The following TEX9 variants were observed in gnomAD, a reference collection of about 807,000 sequenced individuals.
The protein encoded by TEX9 is testis expressed 9.
TEX9 carries 74 observed loss-of-function variants against 59.6 expected under a neutral mutation model. That is an observed-to-expected ratio of 1.24 (90% CI 1.03 to 1.51). TEX9 has a LOEUF of 1.51. Ranked by LOEUF, TEX9 falls within the 40% of genes most tolerant of loss-of-function variation. TEX9 has a pLI of 0.00. For missense variants in TEX9, 522 were observed against 447.8 expected (o/e 1.17, Z -1.49); for synonymous variants, 186 against 152.2 (o/e 1.22, Z -1.64).
At chr15:56,320,117 A>T (rs1180211246) in intron 1 of TEX9, among the ~76,000 whole-genome samples, 4 of 152,168 alleles carry the variant, frequency 2.6e-5, no homozygotes, top group African/African-American at 9.7e-5. Context: ...TTTTATTGCA[A>T]CATCTTTTAA....
chr15:56,383,780 A>G (rs908387743), intron 3 of TEX9, among the ~76,000 whole-genome samples, 172 bp from the exon 4 acceptor site: 2 of 152,166 alleles, frequency 1.3e-5, no homozygotes, highest in Non-Finnish European at 2.9e-5. Context: ...GAAAGGTGCA[A>G]CTAGTGTTAT....
intron 1 of TEX9, among the ~76,000 whole-genome samples, chr15:56,335,185 C>T (rs2046235561): frequency 6.6e-6 from 1 of 152,034 alleles, no homozygotes; most frequent in African/African-American, 2.4e-5. Context: ...GTATGTTGAA[C>T]AGGTATCTAC....
intron 1 of TEX9, among the ~76,000 whole-genome samples, chr15:56,288,521 G>T (rs1481243998): frequency 1.3e-5 from 2 of 152,008 alleles, no homozygotes; most frequent in Non-Finnish European, 2.9e-5. Flanking sequence ...AGGATTTTTG[G>T]TTGGGAGTTT....
chr15:56,308,903 A>G (rs1246884459), intron 1 of TEX9, among the ~76,000 whole-genome samples: 1 of 152,094 alleles, frequency 6.6e-6, no homozygotes, highest in Non-Finnish European at 1.5e-5. Context: ...TTTACCATTG[A>G]TCTGTATATT....
chr15:56,280,399 A>T (rs922172540), intron 1 of TEX9, among the ~76,000 whole-genome samples: 6 of 152,166 alleles, frequency 3.9e-5, no homozygotes, highest in African/African-American at 1.4e-4. Context: ...AAATATGTAC[A>T]TTATGCAAGA....
rs746592659 is a variant in TEX9, at chr15:56,389,349, AG to A, written c.346del (p.Val116PhefsTer20). 14 of 1,611,290 alleles carry A rather than the reference AG, an allele frequency of 8.7e-6. No homozygotes were observed. Among genetic ancestry groups the A allele is most frequent in the Non-Finnish European group, 1.2e-5 (14 of 1,178,322 alleles). The stretch of plus-strand genomic sequence containing the variant: ...ACCAAAAACATTGATCCTGTAAACA[AG>A]GTTCAAAACAAATTACACTCTGCAA... On this transcript the variant is annotated frameshift_variant, in exon 6 of 13. Coordinates refer to ENST00000352903, the Ensembl canonical transcript of TEX9. LOFTEE classifies it high-confidence loss of function.
intron 9 of TEX9, among the ~76,000 whole-genome samples, chr15:56,404,373 A>C (rs1370203128): frequency 6.6e-6 from 1 of 152,240 alleles, no homozygotes; most frequent in Non-Finnish European, 1.5e-5. Context: ...GCCAAAAGAC[A>C]CATGAGAAAA....
chr15:56,438,547 G>T (rs2050767020), intron 12 of TEX9, among the ~76,000 whole-genome samples: 1 of 152,064 alleles, frequency 6.6e-6, no homozygotes, highest in Non-Finnish European at 1.5e-5. Flanking sequence ...AACCCTAGAA[G>T]AAAACCTAGG....
chr15:56,365,327 C>T (rs938647634), upstream of TEX9: 15 of 1,325,858 alleles, frequency 1.1e-5, no homozygotes, highest in African/African-American at 1.5e-5. Context: ...GAGGCTCGCG[C>T]CGCTCGCAGC....
chr15:56,324,795 A>G (rs757069323), intron 1 of TEX9, among the ~76,000 whole-genome samples: 2 of 152,192 alleles, frequency 1.3e-5, no homozygotes, highest in Admixed American at 1.3e-4. Context: ...CTTTCATGCA[A>G]GTTACTTGCT....
At chr15:56,367,620 A>G (rs188319574) in intron 2 of TEX9, among the ~76,000 whole-genome samples, 8 of 152,310 alleles carry the variant, frequency 5.3e-5, no homozygotes, top group East Asian at 1.9e-4. Context: ...ATAAATCGCA[A>G]TTACATTGGA....
chr15:56,321,066 G>T (rs1287272966), intron 1 of TEX9, among the ~76,000 whole-genome samples: 1 of 152,178 alleles, frequency 6.6e-6, no homozygotes, highest in Non-Finnish European at 1.5e-5. Context: ...GAGCTAACCT[G>T]TGAGCTTTCT....
intron 12 of TEX9, chr15:56,431,638 T>C (rs1251282251): frequency 1.0e-5 from 6 of 596,638 alleles, no homozygotes; most frequent in East Asian, 3.8e-5. Flanking sequence ...CTAGATAATA[T>C]ATATTTTTAA....
intron 1 of TEX9, among the ~76,000 whole-genome samples, chr15:56,324,075 G>A (rs114908047): frequency 6.6e-6 from 1 of 151,936 alleles, no homozygotes; most frequent in African/African-American, 2.4e-5. Flanking sequence ...GGTTCTTATT[G>A]GTGCACAGCA....
chr15:56,339,990 T>C (rs2046341646), intron 1 of TEX9, among the ~76,000 whole-genome samples: 1 of 152,132 alleles, frequency 6.6e-6, no homozygotes, highest in Admixed American at 6.5e-5. Flanking sequence ...CTCAAATAGA[T>C]TAAGACCTTC....
chr15:56,378,150 C>T (rs2047549020), intron 3 of TEX9, among the ~76,000 whole-genome samples: 1 of 152,186 alleles, frequency 6.6e-6, no homozygotes, highest in African/African-American at 2.4e-5. Context: ...ATTTTTGCAT[C>T]AATATTCGTT....
intron 10 of TEX9, among the ~76,000 whole-genome samples, chr15:56,415,017 G>C (rs747996097): frequency 1.3e-5 from 2 of 151,502 alleles, no homozygotes; most frequent in African/African-American, 2.4e-5. Context: ...TTTCATACTT[G>C]TTGGCCACAT....
rs1274281731 is a variant in TEX9, at chr15:56,310,626, T to C, written c.-106-62815T>C. Among the ~76,000 whole-genome samples the C allele has an allele frequency of 2.6e-5, 4 of 152,196 alleles. 1 individual carries two copies. The South Asian group carries it at 6.2e-4, about 24-fold the overall frequency. Reference sequence around the variant, plus strand: ...TGATCCCTGCACCAGCTCTGCCAAGTAGGCTAGCCACTGACATTCTTGCAC... The same window carrying C: ...TGATCCCTGCACCAGCTCTGCCAAGCAGGCTAGCCACTGACATTCTTGCAC... On this transcript the variant is annotated intron_variant, in intron 1 of 5. Coordinates refer to the TEX9 transcript ENST00000560827.
chr15:56,248,044 G>T (rs2043905213), intron 1 of TEX9, among the ~76,000 whole-genome samples: 1 of 152,158 alleles, frequency 6.6e-6, no homozygotes, highest in South Asian at 2.1e-4. Context: ...CTAAGCTGTT[G>T]TCTTTCAAAG....
Sources: allele counts gnomAD v4.1 joint callset (sites outside exome capture counted in the v4.1 genomes callset), GRCh38; gene constraint gnomAD v4.1.1; transcripts MANE v1.5; gene names NCBI Gene and HGNC (gene_info 2026-07-23, HGNC 2026-07-21).